Variants in PCDH9 observed in about 807,000 individuals in gnomAD.
PCDH9 encodes protocadherin 9, also known as protocadherin-9.
Under a neutral mutation model 70.6 loss-of-function variants are expected in PCDH9, and 24 were observed. The observed-to-expected ratio is 0.34, with a 90% CI of 0.25 to 0.48. PCDH9 has a LOEUF of 0.48. PCDH9 is among the 20% of genes least tolerant of loss of function. PCDH9 has a pLI of 0.99. For synonymous variants in PCDH9, 562 were observed against 558.5 expected, an observed-to-expected ratio of 1.01 and a Z score of -0.09; for missense variants, 1,281 against 1,503.6, an observed-to-expected ratio of 0.85 and a Z score of 2.45.
chr13:67,132,940 T>C (rs866771444), intron 2 of PCDH9, among the ~76,000 whole-genome samples: 18 of 152,124 alleles, frequency 1.2e-4, no homozygotes, highest in African/African-American at 3.9e-4. Flanking sequence ...TTTTCTGAAT[T>C]CCTGAAATAC....
rs148575700 is a variant in PCDH9, at chr13:66,536,486, T to G, written c.3340+94724A>C. On this transcript the variant is annotated intron_variant, in intron 4 of 4. Coordinates refer to ENST00000377865, the MANE Select transcript of PCDH9 (RefSeq NM_203487.3). ...TCTTCTAAATGCTTCCTGTATATTT[T>G]AATATTCAATTATCACATATCTGTG... Among the ~76,000 whole-genome samples, 1,125 of 152,278 alleles carry G rather than the reference T, an allele frequency of 7.4e-3. 12 individuals carry two copies. Among genetic ancestry groups the G allele is most frequent in the African/African-American group, 0.026 (1,093 of 41,584 alleles).
intron 2 of PCDH9, among the ~76,000 whole-genome samples, chr13:67,005,321 G>T (rs1173707083): frequency 1.3e-5 from 2 of 152,076 alleles, no homozygotes; most frequent in Non-Finnish European, 2.9e-5. Context: ...TACTATTTGA[G>T]TTCGCTTTAA....
chr13:67,135,749 T>C (rs1476548703), intron 2 of PCDH9, among the ~76,000 whole-genome samples: 1 of 152,118 alleles, frequency 6.6e-6, no homozygotes, highest in East Asian at 1.9e-4. Context: ...AAAAATAGAA[T>C]TAGGAGAAAT....
intron 3 of PCDH9, among the ~76,000 whole-genome samples, chr13:66,690,865 T>C (rs1305492945): frequency 1.3e-5 from 2 of 152,188 alleles, no homozygotes; most frequent in African/African-American, 4.8e-5. Flanking sequence ...CATGCTAGAA[T>C]GCAAGCAAGA....
At chr13:66,782,113 C>T (rs1456047640) in intron 3 of PCDH9, among the ~76,000 whole-genome samples, 1 of 152,030 alleles carries the variant, frequency 6.6e-6, no homozygotes, top group Non-Finnish European at 1.5e-5. Flanking sequence ...CTGGTGAGTC[C>T]TTCCCTCTTT....
At chr13:66,727,599 T>G (rs2079022158) in intron 3 of PCDH9, among the ~76,000 whole-genome samples, 1 of 152,164 alleles carries the variant, frequency 6.6e-6, no homozygotes, top group African/African-American at 2.4e-5. Flanking sequence ...TGTTTGTGTG[T>G]GCCTATTATG....
chr13:67,004,564 AAAAGAAAG>A (rs1001686666), intron 2 of PCDH9, among the ~76,000 whole-genome samples: 9 of 148,200 alleles, frequency 6.1e-5, no homozygotes, highest in African/African-American at 1.7e-4. Context: ...AAAAAAAAAA[AAAAGAAAG>A]AAAGAAAGAA....
chr13:66,390,132 G>A (rs771164381), intron 4 of PCDH9, among the ~76,000 whole-genome samples: 10 of 152,020 alleles, frequency 6.6e-5, no homozygotes, highest in South Asian at 2.1e-4. Context: ...TAAAATTCAC[G>A]TATCTGTTCT....
intron 4 of PCDH9, among the ~76,000 whole-genome samples, chr13:66,305,592 T>C (rs187206793): frequency 6.5e-4 from 99 of 152,170 alleles, no homozygotes; most frequent in African/African-American, 2.4e-3. Flanking sequence ...TAAATGAAAA[T>C]ATTTTGTCAC....
chr13:66,679,590 A>G (rs1422283229), intron 3 of PCDH9, among the ~76,000 whole-genome samples: 5 of 151,940 alleles, frequency 3.3e-5, no homozygotes, highest in African/African-American at 1.2e-4. Context: ...GAAGAGAATA[A>G]AAGGTTTAGG....
intron 2 of PCDH9, among the ~76,000 whole-genome samples, chr13:66,990,705 T>C (rs909893198): frequency 6.6e-6 from 1 of 151,288 alleles, no homozygotes; most frequent in Non-Finnish European, 1.5e-5. Context: ...CTTCAAAAAT[T>C]CACATCTCTG....
intron 4 of PCDH9, among the ~76,000 whole-genome samples, chr13:66,559,823 T>TAA: frequency 1.1e-5 from 1 of 93,090 alleles, no homozygotes; most frequent in Admixed American, 1.2e-4. Context: ...AAAAAATATA[T>TAA]ATATATATAT....
At chr13:66,848,927 CAAAAAAA>C (rs745587776) in intron 3 of PCDH9, among the ~76,000 whole-genome samples, 4 of 51,306 alleles carry the variant, frequency 7.8e-5, no homozygotes, top group Admixed American at 2.0e-4. Flanking sequence ...GACTCCGTCT[CAAAAAAA>C]AAAAAAAAAA....
chr13:66,406,056 GCTGA>G (rs1192521257), intron 4 of PCDH9, among the ~76,000 whole-genome samples: 3 of 152,112 alleles, frequency 2.0e-5, no homozygotes, highest in African/African-American at 7.2e-5. Context: ...GAAGAAGTTA[GCTGA>G]CTGTCTTGCT....
intron 4 of PCDH9, among the ~76,000 whole-genome samples, chr13:66,337,915 A>C (rs1352248490): frequency 6.6e-6 from 1 of 152,116 alleles, no homozygotes; most frequent in African/African-American, 2.4e-5. Flanking sequence ...GAATATGGCA[A>C]CAGTGTTGAA....
chr13:66,317,942 C>T (rs1366874885), intron 4 of PCDH9, among the ~76,000 whole-genome samples: 30 of 151,486 alleles, frequency 2.0e-4, no homozygotes, highest in Admixed American at 2.0e-3. Context: ...TTCAGCTGTA[C>T]ATAAAGAAAA....
rs548011318 is a variant in PCDH9, at chr13:66,545,831, T to TTATTTTATTTTATTC, written c.3340+85378_3340+85379insGAATAAAATAAAATA. 4.1e-3 allele frequency among the ~76,000 whole-genome samples: 613 copies of TTATTTTATTTTATTC among 150,314 alleles called. 20 individuals are homozygous for TTATTTTATTTTATTC. The East Asian group carries it at 0.079, about 19-fold the overall frequency. On this transcript the variant is annotated intron_variant, in intron 4 of 4. Transcript: ENST00000377865. ...TTACTTTATTTTATTTTATTTTATT[T>TTATTTTATTTTATTC]TATTTATTTATTTATTTATTTATTT...
chr13:66,436,444 A>G (rs1957868730), intron 4 of PCDH9, among the ~76,000 whole-genome samples: 1 of 152,152 alleles, frequency 6.6e-6, no homozygotes, highest in South Asian at 2.1e-4. Flanking sequence ...CTGTCAGAGA[A>G]GCACCAAATG....
At chr13:66,777,412 A>G (rs2079915160) in intron 3 of PCDH9, among the ~76,000 whole-genome samples, 1 of 151,980 alleles carries the variant, frequency 6.6e-6, no homozygotes, top group South Asian at 2.1e-4. Context: ...AGAATCTACA[A>G]TGAACTCAAA....
Sources: allele counts gnomAD v4.1 joint callset (sites outside exome capture counted in the v4.1 genomes callset), GRCh38; gene constraint gnomAD v4.1.1; transcripts MANE v1.5; gene names NCBI Gene and HGNC (gene_info 2026-07-23, HGNC 2026-07-21).